SUGT1: variants seen among roughly 807,000 people sequenced by gnomAD.
SUGT1 encodes the protein SGT1 assembly cochaperone of MIS12 kinetochore complex.
Under a neutral mutation model 56.1 loss-of-function variants are expected in SUGT1, and 15 were observed. The observed-to-expected ratio is 0.27, with a 90% CI of 0.18 to 0.41. The LOEUF is 0.41. SUGT1 is among the 10% of genes least tolerant of loss of function. SUGT1 has a pLI of 1.00. For synonymous variants in SUGT1, 123 were observed against 128.6 expected (o/e 0.96, Z 0.30); for missense variants, 347 against 382.2 (o/e 0.91, Z 0.77).
At chr13:52,682,224 G>C (rs888417382) in intron 12 of SUGT1, among the ~76,000 whole-genome samples, 6 of 151,640 alleles carry the variant, frequency 4.0e-5, no homozygotes, top group African/African-American at 1.5e-4. Context: ...TTAGAGACAG[G>C]GTCTCATTCT....
chr13:52,662,186 A>C (rs9526964), intron 5 of SUGT1, among the ~76,000 whole-genome samples: 5,450 of 152,252 alleles, frequency 0.036, 129 homozygotes, highest in South Asian at 0.064. Context: ...CCACTGAGAG[A>C]ATAGTGGACT....
chr13:52,681,063 C>T (rs1963352515), intron 12 of SUGT1, among the ~76,000 whole-genome samples: 1 of 152,112 alleles, frequency 6.6e-6, no homozygotes, highest in African/African-American at 2.4e-5. Context: ...GTCTCGAACT[C>T]CTGGCTTCAA....
chr13:52,675,162 C>T (rs1335404401), intron 10 of SUGT1, among the ~76,000 whole-genome samples: 1 of 152,136 alleles, frequency 6.6e-6, no homozygotes, highest in Non-Finnish European at 1.5e-5. Context: ...AAGCGTTTCC[C>T]CTTCACAGTC....
chr13:52,663,617 C>T (rs1417377690), intron 7 of SUGT1, among the ~76,000 whole-genome samples: 1 of 152,124 alleles, frequency 6.6e-6, no homozygotes, highest in Non-Finnish European at 1.5e-5. Context: ...TACAGATGTA[C>T]ACCACCAAGC....
intron 11 of SUGT1, among the ~76,000 whole-genome samples, chr13:52,679,736 T>C (rs1221358291): frequency 6.6e-6 from 1 of 152,240 alleles, no homozygotes; most frequent in Non-Finnish European, 1.5e-5. Flanking sequence ...TTACACTTTA[T>C]TGAGTTATTT....
chr13:52,681,094 T>TC, intron 12 of SUGT1, among the ~76,000 whole-genome samples: 1 of 152,228 alleles, frequency 6.6e-6, no homozygotes, highest in East Asian at 1.9e-4. Flanking sequence ...CGCCTCAGCC[T>TC]CCCAAAGTGC....
chr13:52,657,959 C>A, intron 3 of SUGT1: 2 of 501,632 alleles, frequency 4.0e-6, no homozygotes, highest in South Asian at 2.9e-5. Flanking sequence ...TGGTGGCTCA[C>A]GCCTGTAATC....
chr13:52,677,505 A>G (rs191188467), intron 11 of SUGT1, among the ~76,000 whole-genome samples: 3 of 152,334 alleles, frequency 2.0e-5, no homozygotes, highest in Non-Finnish European at 2.9e-5. Context: ...GCTGAGGTTT[A>G]TATGTAGCTG....
rs1388043671 is a variant in SUGT1, at chr13:52,692,280, T to C, written c.*4445T>C. The C allele has an allele frequency of 6.6e-6, 1 of 152,196 alleles. No individual in the cohort carries two copies. Among genetic ancestry groups the C allele is most frequent in the African/African-American group, 2.4e-5 (1 of 41,436 alleles). The allele number at this position is 152,196 out of a possible 1,614,324, so 9.4% of individuals were successfully genotyped here. A position where few individuals can be genotyped will look rare whatever the true frequency, so the allele number is the denominator to read the frequency against. On this transcript the variant is annotated 3_prime_UTR_variant, in exon 13 of 13. Coordinates refer to ENST00000310528, the MANE Select transcript of SUGT1 (RefSeq NM_006704.5). ...GGATTTGAACCCAGGCCTATCAGAC[T>C]CCATTACCCATACTTCTGACAACTG...
chr13:52,695,378 T>C lies in SUGT1; in HGVS notation c.*7543T>C, dbSNP rs1199638105. ...GGAGTAGTAACTTATGAATCTAGAC[T>C]CTTAAAATCCCAGTTCTGATACTTT... is the stretch of plus-strand genomic sequence containing the variant. On this transcript the variant is annotated 3_prime_UTR_variant, in exon 13 of 13. Transcript: ENST00000310528. The C allele has an allele frequency of 6.6e-6, 1 of 152,192 alleles. No homozygotes were observed. The highest frequency in any genetic ancestry group is 2.1e-4 in the South Asian group (1 of 4,832). The allele number at this position is 152,192 out of a possible 1,614,324, so 9.4% of individuals were successfully genotyped here.
Position 52,665,805 on chromosome 13 carries a change from A to C in SUGT1, c.519+72A>C, listed in dbSNP as rs1423964386. 8 of 981,524 alleles carry C rather than the reference A, an allele frequency of 8.2e-6. No homozygotes were observed. The African/African-American group carries it at 1.3e-4, about 16-fold the overall frequency. 60.8% of individuals were successfully genotyped at this position (981,524 alleles called of 1,614,324 possible). A position where few individuals can be genotyped will look rare whatever the true frequency, so the allele number is the denominator to read the frequency against. ...AATTTAGTATATTGCAGAATAATCG[A>C]TAACGGTTTATCAGATAAATGCTAT... On this transcript the variant is annotated intron_variant, in intron 9 of 12. Coordinates refer to ENST00000310528, the MANE Select transcript of SUGT1 (RefSeq NM_006704.5).
chr13:52,666,287 G>C (rs191416655), intron 9 of SUGT1, among the ~76,000 whole-genome samples: 5 of 152,118 alleles, frequency 3.3e-5, no homozygotes, highest in Non-Finnish European at 5.9e-5. Flanking sequence ...ATGTTGGCCA[G>C]GCTGTTGTCG....
At chr13:52,671,310 A>G (rs185150968) in intron 10 of SUGT1, among the ~76,000 whole-genome samples, 1 of 16,400 alleles carries the variant, frequency 6.1e-5, no homozygotes, top group African/African-American at 2.1e-4. Context: ...ATGTATATTT[A>G]TATATTTTTA....
At chr13:52,668,928 A>G (rs1018735263) in intron 10 of SUGT1, among the ~76,000 whole-genome samples, 3 of 152,148 alleles carry the variant, frequency 2.0e-5, no homozygotes, top group African/African-American at 7.2e-5. Flanking sequence ...TGTATTACTG[A>G]GCCACCTCCT....
Position 52,657,609 on chromosome 13 carries a change from T to A in SUGT1, c.174T>A (p.Leu58=). 2 of 1,613,372 alleles carry A rather than the reference T, an allele frequency of 1.2e-6. No individual in the cohort carries two copies. The highest frequency in any genetic ancestry group is 1.7e-6 in the Non-Finnish European group (2 of 1,179,602). ...AAAGAGCTTATTGTCACATTCTTCT[T>A]GGGAATTACTGTGGTAACGTTTCTT... ...YCQRAYCHIL[L]GNYCVAVADA... is the part of the protein sequence containing the mutation. The change falls in exon 3 of 13, where the codon CTT becomes CTA. Residue 58 remains leucine (L), a synonymous_variant. Transcript: ENST00000310528.
intron 8 of SUGT1, 65 bp downstream of exon 8, chr13:52,664,122 G>GT: frequency 6.8e-7 from 1 of 1,478,958 alleles, no homozygotes; most frequent in South Asian, 1.2e-5. Flanking sequence ...AAACCCTGTA[G>GT]TTTAATAGTA....
At chr13:52,660,737 T>G (rs1008149323) in intron 5 of SUGT1, among the ~76,000 whole-genome samples, 8 of 152,256 alleles carry the variant, frequency 5.3e-5, no homozygotes, top group African/African-American at 1.9e-4. Flanking sequence ...AGTGAAGTTA[T>G]GTAGTGCCTT....
At position 52,657,635 on chromosome 13, in the gene SUGT1, A is replaced by G. The variant is rs1160130555; in HGVS notation, c.187+13A>G. ...GGGAATTACTGTGGTAACGTTTCTT[A>G]TAAAGTATATTGCCCCCTTTTAATA... On this transcript the variant is annotated intron_variant, in intron 3 of 12. Coordinates refer to ENST00000310528, the MANE Select transcript of SUGT1 (RefSeq NM_006704.5). 1 of 1,603,572 alleles carries G rather than the reference A, an allele frequency of 6.2e-7. No homozygotes were observed. Among genetic ancestry groups the G allele is most frequent in the Non-Finnish European group, 8.5e-7 (1 of 1,171,868 alleles).
intron 2 of SUGT1, among the ~76,000 whole-genome samples, chr13:52,656,851 C>G (rs1237264908): frequency 2.0e-5 from 3 of 152,198 alleles, no homozygotes; most frequent in African/African-American, 7.2e-5. Context: ...TTTGATCTCC[C>G]TAATTGTGTA....
Sources: gnomAD v4.1 joint callset for allele counts (sites outside exome capture counted in the v4.1 genomes callset) on GRCh38, gnomAD v4.1.1 for gene constraint, MANE v1.5 for transcripts, NCBI Gene and HGNC (gene_info 2026-07-23, HGNC 2026-07-21) for gene names.